The following PPP1R16B variants were observed in gnomAD, a reference collection of about 807,000 sequenced individuals.
PPP1R16B encodes protein phosphatase 1 regulatory subunit 16B.
In PPP1R16B, 14 loss-of-function variants were observed where a neutral mutation model predicts 61.7. The observed-to-expected ratio is 0.23, with a 90% confidence interval of 0.15 to 0.35. The LOEUF (loss-of-function observed/expected upper bound fraction) is 0.35, where lower values mean the gene tolerates loss of function less well. Ranked by LOEUF, PPP1R16B falls within the 10% of genes least tolerant of loss-of-function variation. The pLI is 1.00. For missense variants in PPP1R16B, 547 were observed against 752.5 expected (o/e 0.73, Z 3.19); for synonymous variants, 266 against 305.3 (o/e 0.87, Z 1.34).
At chr20:38,889,510 G>T in intron 2 of PPP1R16B, 85 bp from the exon 3 acceptor site, 1 of 1,185,460 alleles carries the variant, frequency 8.4e-7, no homozygotes, top group South Asian at 1.2e-5. Flanking sequence ...ATAGGCCTGG[G>T]GGAGAGCGGG....
intron 1 of PPP1R16B, among the ~76,000 whole-genome samples, chr20:38,808,356 C>G (rs2084675645): frequency 6.6e-6 from 1 of 152,152 alleles, no homozygotes; most frequent in Non-Finnish European, 1.5e-5. Context: ...CCCCATCCCC[C>G]CAACCTTTCC....
intron 1 of PPP1R16B, among the ~76,000 whole-genome samples, chr20:38,829,841 A>G (rs1267024071): frequency 1.3e-5 from 2 of 152,194 alleles, no homozygotes; most frequent in Admixed American, 6.5e-5. Context: ...ATTGGGGGAA[A>G]CTAGGTCACC....
intron 2 of PPP1R16B, among the ~76,000 whole-genome samples, chr20:38,847,281 C>T (rs1214115404): frequency 2.0e-5 from 3 of 152,178 alleles, no homozygotes; most frequent in Non-Finnish European, 4.4e-5. Flanking sequence ...TGCATAAAAT[C>T]GAGACAGTTA....
At chr20:38,904,603 TATA>T (rs978894411) in intron 6 of PPP1R16B, among the ~76,000 whole-genome samples, 1 of 152,192 alleles carries the variant, frequency 6.6e-6, no homozygotes, top group Non-Finnish European at 1.5e-5. Flanking sequence ...ATCAGACATT[TATA>T]AATCAGATAA....
At chr20:38,823,589 C>T (rs1346604744) in intron 1 of PPP1R16B, among the ~76,000 whole-genome samples, 10 of 151,502 alleles carry the variant, frequency 6.6e-5, no homozygotes, top group Admixed American at 5.3e-4. Context: ...TGCAGTGAGC[C>T]GAGATAGTGC....
chr20:38,914,616 C>G (rs949847275), intron 10 of PPP1R16B, among the ~76,000 whole-genome samples: 11 of 152,186 alleles, frequency 7.2e-5, no homozygotes, highest in African/African-American at 2.4e-4. Flanking sequence ...GTTAATTCCT[C>G]TTCCTTCAAT....
intron 2 of PPP1R16B, among the ~76,000 whole-genome samples, chr20:38,843,180 G>A (rs1252364936): frequency 2.6e-5 from 4 of 152,310 alleles, no homozygotes; most frequent in South Asian, 2.1e-4. Context: ...AAATTTAAAC[G>A]GAGGCATTAA....
chr20:38,821,013 C>A (rs1298946139), intron 1 of PPP1R16B, among the ~76,000 whole-genome samples: 4 of 147,646 alleles, frequency 2.7e-5, no homozygotes, highest in Non-Finnish European at 4.4e-5. Context: ...TGTACTCCAG[C>A]CTGGGTGACA....
At position 38,921,319 on chromosome 20, in the gene PPP1R16B, A is replaced by C. The variant is rs1478979324; in HGVS notation, c.*2653A>C. On this transcript the variant is annotated 3_prime_UTR_variant, in exon 11 of 11. Coordinates refer to ENST00000299824, the MANE Select transcript of PPP1R16B (RefSeq NM_015568.4). ...GCCGCGGTCATTCATTAATTCACTC[A>C]CGTAATTTACTGAGTAGCTGCAACA... The C allele has an allele frequency of 6.6e-6, 1 of 152,186 alleles. No homozygotes were observed. The highest frequency in any genetic ancestry group is 1.5e-5 in the Non-Finnish European group (1 of 68,026). 9.4% of individuals were successfully genotyped at this position (152,186 alleles called of 1,614,324 possible).
At chr20:38,842,632 G>A (rs2084915080) in intron 2 of PPP1R16B, among the ~76,000 whole-genome samples, 1 of 152,124 alleles carries the variant, frequency 6.6e-6, no homozygotes, top group Non-Finnish European at 1.5e-5. Flanking sequence ...AAAGGAAGGA[G>A]CTGTTCTGAC....
chr20:38,905,781 T>C (rs1402978516), intron 6 of PPP1R16B, among the ~76,000 whole-genome samples, 188 bp from the exon 7 acceptor site: 2 of 152,232 alleles, frequency 1.3e-5, no homozygotes, highest in Non-Finnish European at 2.9e-5. Context: ...TTCAGCTCTC[T>C]ACCTTTCCTT....
intron 1 of PPP1R16B, among the ~76,000 whole-genome samples, chr20:38,823,368 C>T (rs901249024): frequency 2.0e-5 from 3 of 152,206 alleles, no homozygotes; most frequent in African/African-American, 4.8e-5. Context: ...AGGCCAGGCA[C>T]GGTGGCTCAC....
At chr20:38,901,754 A>T (rs1430589685) in intron 5 of PPP1R16B, among the ~76,000 whole-genome samples, 1 of 152,242 alleles carries the variant, frequency 6.6e-6, no homozygotes, top group African/African-American at 2.4e-5. Flanking sequence ...AGGATTATAA[A>T]GGAAGCCAAT....
At chr20:38,837,335 T>G (rs2084878631) in intron 2 of PPP1R16B, among the ~76,000 whole-genome samples, 1 of 152,228 alleles carries the variant, frequency 6.6e-6, no homozygotes, top group Non-Finnish European at 1.5e-5. Flanking sequence ...TATGGTCCCT[T>G]ATGCTGAGGA....
chr20:38,889,561 A>T, intron 2 of PPP1R16B, 34 bp from the exon 3 acceptor site: 1 of 1,525,372 alleles, frequency 6.6e-7, no homozygotes, highest in Non-Finnish European at 9.1e-7. Context: ...CCAGTGTGCA[A>T]CGGGAAGCTC....
intron 2 of PPP1R16B, among the ~76,000 whole-genome samples, chr20:38,878,607 A>C (rs545310007): frequency 6.6e-6 from 1 of 152,370 alleles, no homozygotes; most frequent in Non-Finnish European, 1.5e-5. Flanking sequence ...CATATAAGTT[A>C]TCTGTCAAAT....
Position 38,912,047 on chromosome 20 carries a change from C to T in PPP1R16B, c.1194+3854C>T, listed in dbSNP as rs562839832. Among the ~76,000 whole-genome samples the T allele has an allele frequency of 9.3e-5, 14 of 150,838 alleles. No individual in the cohort carries two copies. In the South Asian group the frequency reaches 2.9e-3, roughly 32 times the overall value. On this transcript the variant is annotated intron_variant, in intron 10 of 10. Transcript: ENST00000299824. ...GTTTTCCAAGGTGCCTTGTACCTGT[C>T]TGCTTTCCCATGGCAGAGTGTTTCT...
chr20:38,836,065 G>T lies in PPP1R16B; in HGVS notation c.140G>T (p.Arg47Leu). ...CAGTACGAGCAGGACTTGCAGCACCGCAAGCGAAAGCATGAGCGGAAGCGC... is the reference window on the plus strand; with the variant it reads ...CAGTACGAGCAGGACTTGCAGCACCTCAAGCGAAAGCATGAGCGGAAGCGC... ...WAQYEQDLQH[R>L]KRKHERKRST... Residue 47 changes from arginine to leucine, a missense_variant, in exon 2 of 11, where the codon CGC becomes CTC. Transcript: ENST00000299824. The T allele has an allele frequency of 1.2e-6, 2 of 1,611,022 alleles. No individual in the cohort carries two copies. Among genetic ancestry groups the T allele is most frequent in the South Asian group, 1.1e-5 (1 of 90,820 alleles).
At chr20:38,832,229 C>A (rs1002929836) in intron 1 of PPP1R16B, among the ~76,000 whole-genome samples, 1 of 152,154 alleles carries the variant, frequency 6.6e-6, no homozygotes, top group African/African-American at 2.4e-5. Context: ...CCTAGTACTA[C>A]TATTTTATTA....
Sources: gnomAD v4.1 joint callset for allele counts (sites outside exome capture counted in the v4.1 genomes callset) on GRCh38, gnomAD v4.1.1 for gene constraint, MANE v1.5 for transcripts, NCBI Gene and HGNC (gene_info 2026-07-23, HGNC 2026-07-21) for gene names.